The following AP1G1 variants were observed in gnomAD, a reference collection of about 807,000 sequenced individuals.
AP1G1 encodes the protein AP-1 complex subunit gamma-1.
Under a neutral mutation model 108.3 loss-of-function variants are expected in AP1G1, and 7 were observed. The ratio of observed to expected loss-of-function variants is 0.06; its 90% CI spans 0.04 to 0.12. AP1G1 has a LOEUF of 0.12. Ranked by LOEUF, AP1G1 falls within the 10% of genes least tolerant of loss-of-function variation. The pLI is 1.00. For missense variants in AP1G1, 756 were observed against 1,010.7 expected (o/e 0.75, Z 3.42); for synonymous variants, 379 against 353.5 (o/e 1.07, Z -0.81).
At chr16:71,771,633 T>C (rs983122100) in intron 4 of AP1G1, among the ~76,000 whole-genome samples, 3 of 152,224 alleles carry the variant, frequency 2.0e-5, no homozygotes, top group African/African-American at 7.2e-5. Flanking sequence ...TGTTCATATA[T>C]TGCTAGACAA....
At chr16:71,808,011 T>C (rs1199045918) in intron 1 of AP1G1, 1 of 1,209,366 alleles carries the variant, frequency 8.3e-7, no homozygotes. Flanking sequence ...TTCATAAACA[T>C]TACCCTGAGC....
intron 1 of AP1G1, chr16:71,807,727 C>G: frequency 1.0e-6 from 1 of 995,190 alleles, no homozygotes; most frequent in South Asian, 1.3e-5. Context: ...AAGTTAAGGT[C>G]ACTAAGAAAG....
Position 71,789,328 on chromosome 16 carries a change from G to C in AP1G1, c.152C>G (p.Ala51Gly). 1 of 1,614,176 alleles carries C rather than the reference G, an allele frequency of 6.2e-7. No homozygotes were observed. Among genetic ancestry groups the C allele is most frequent in the Non-Finnish European group, 8.5e-7 (1 of 1,180,038 alleles). Residue 51 changes from alanine (A) to glycine (G), a missense_variant, in exon 2 of 23, where the codon GCA becomes GGA. This residue lies in a region of AP1G1 where 304 missense variants were observed against 483.6 expected (regional missense o/e 0.63). Transcript: ENST00000299980. ...EDNTYRCRNV[A>G]KLLYMHMLGY... ...CAGCATGTGCATATACAGTAATTTTGCCACATTCCGACATCGGTATGTATT... is the reference window on the plus strand; with the variant it reads ...CAGCATGTGCATATACAGTAATTTTCCCACATTCCGACATCGGTATGTATT...
chr16:71,798,602 G>C lies in AP1G1; in HGVS notation c.-3-9120C>G, dbSNP rs546095946. 4.0e-5 allele frequency among the ~76,000 whole-genome samples: 6 copies of C among 151,244 alleles called. No homozygotes were observed. The South Asian group carries it at 1.0e-3, about 26-fold the overall frequency. ...TAAATAAGATTAAAAGATAAATGAGGCCGGGCGTGGTGCGGTGGCTCACGC... is the reference window on the plus strand; with the variant it reads ...TAAATAAGATTAAAAGATAAATGAGCCCGGGCGTGGTGCGGTGGCTCACGC... On this transcript the variant is annotated intron_variant, in intron 1 of 22. Transcript: ENST00000299980.
chr16:71,807,100 T>C (rs1452560521), intron 1 of AP1G1, among the ~76,000 whole-genome samples: 4 of 152,190 alleles, frequency 2.6e-5, no homozygotes, highest in African/African-American at 9.6e-5. Flanking sequence ...TCGCCTAACT[T>C]GAAACGTAGG....
Position 71,764,481 on chromosome 16 carries a change from G to T in AP1G1, c.820-33C>A, listed in dbSNP as rs201633834. 235 of 1,438,170 alleles carry T rather than the reference G, an allele frequency of 1.6e-4. 1 individual carries two copies. In the African/African-American group the frequency reaches 2.9e-3, roughly 18 times the overall value. 89.1% of individuals were successfully genotyped at this position (1,438,170 alleles called of 1,614,324 possible). ...GACATATCGAGGGCAGTACATAAGT[G>T]ATAAAAACAATGCTCCCAAAACATA... On this transcript the variant is annotated intron_variant, in intron 8 of 22. Coordinates refer to ENST00000299980, the MANE Select transcript of AP1G1 (RefSeq NM_001128.6).
chr16:71,793,135 C>T (rs2032463775), intron 1 of AP1G1, among the ~76,000 whole-genome samples: 1 of 152,098 alleles, frequency 6.6e-6, no homozygotes, highest in Non-Finnish European at 1.5e-5. Context: ...CCACTGCACT[C>T]CAGCCTGGGC....
chr16:71,746,455 A>C (rs2030187068), intron 17 of AP1G1, 133 bp downstream of exon 17: 2 of 491,858 alleles, frequency 4.1e-6, no homozygotes, highest in African/African-American at 3.9e-5. Context: ...AGAAGCAGAC[A>C]AGCAATTAGA....
At chr16:71,756,346 T>C (rs1455384895) in intron 11 of AP1G1, 187 bp from the exon 12 acceptor site, 2 of 468,760 alleles carry the variant, frequency 4.3e-6, no homozygotes, top group Non-Finnish European at 7.3e-6. Context: ...AAAGTTAGTT[T>C]TGATATTTTG....
chr16:71,761,400 A>G (rs1299991661), intron 10 of AP1G1, 112 bp downstream of exon 10: 2 of 791,156 alleles, frequency 2.5e-6, no homozygotes, highest in Non-Finnish European at 4.3e-6. Context: ...AAAAATTCTG[A>G]GCTAAAAGTT....
chr16:71,743,006 T>C (rs962655082), intron 19 of AP1G1: 11 of 151,680 alleles, frequency 7.3e-5, no homozygotes, highest in African/African-American at 2.4e-4. Context: ...AACTACCCAA[T>C]ACTAACGAAC....
chr16:71,785,914 T>C (rs1049535878), intron 2 of AP1G1, among the ~76,000 whole-genome samples: 5 of 152,128 alleles, frequency 3.3e-5, no homozygotes, highest in Admixed American at 2.6e-4. Context: ...TATTATACAC[T>C]AAATGAAAAT....
At chr16:71,776,117 A>G (rs1226950486) in intron 2 of AP1G1, among the ~76,000 whole-genome samples, 1 of 152,242 alleles carries the variant, frequency 6.6e-6, no homozygotes, top group East Asian at 1.9e-4. Flanking sequence ...ATACCTGTGT[A>G]TACAGGAAGC....
intron 19 of AP1G1, among the ~76,000 whole-genome samples, 170 bp from the exon 20 acceptor site, chr16:71,739,511 G>A (rs1022161599): frequency 2.2e-4 from 33 of 151,962 alleles, no homozygotes; most frequent in Admixed American, 1.4e-3. Context: ...ACTTTAAAAC[G>A]AGCAACTTCT....
At chr16:71,759,017 A>T in intron 10 of AP1G1, 96 bp from the exon 11 acceptor site, 1 of 676,980 alleles carries the variant, frequency 1.5e-6, no homozygotes, top group Non-Finnish European at 2.5e-6. Flanking sequence ...TCTAATGGAT[A>T]AGAGAAAGCA....
intron 9 of AP1G1, 87 bp downstream of exon 9, chr16:71,764,263 G>T: frequency 1.4e-6 from 1 of 708,390 alleles, no homozygotes; most frequent in Non-Finnish European, 2.3e-6. Flanking sequence ...AGTTCCAAAT[G>T]GAATACAATT....
intron 1 of AP1G1, among the ~76,000 whole-genome samples, chr16:71,797,707 G>C (rs1399953546): frequency 6.6e-6 from 1 of 152,240 alleles, no homozygotes; most frequent in South Asian, 2.1e-4. Flanking sequence ...GCTGAGGCAG[G>C]AGAATCGCTT....
intron 10 of AP1G1, among the ~76,000 whole-genome samples, chr16:71,760,380 T>C (rs185142328): frequency 1.3e-5 from 2 of 151,772 alleles, no homozygotes; most frequent in African/African-American, 2.4e-5. Flanking sequence ...CCGTCTCTAC[T>C]AAAAATACAA....
At chr16:71,748,401 A>C (rs774911444) in intron 15 of AP1G1, 23 bp from the exon 16 acceptor site, 38 of 1,605,590 alleles carry the variant, frequency 2.4e-5, no homozygotes, top group Non-Finnish European at 2.5e-5. Flanking sequence ...AGGAAAAAGA[A>C]GACGATGAAG....
Sources: gnomAD v4.1 joint callset for allele counts (sites outside exome capture counted in the v4.1 genomes callset) on GRCh38, gnomAD v4.1.1 for gene constraint, gnomAD v4.1.1 regional missense constraint, MANE v1.5 for transcripts, NCBI Gene and HGNC (gene_info 2026-07-23, HGNC 2026-07-21) for gene names.